ADCY1: variants seen among roughly 807,000 people sequenced by gnomAD.
ADCY1 encodes the protein adenylate cyclase type 1.
ADCY1 carries 28 observed loss-of-function variants against 105.4 expected under a neutral mutation model. The observed-to-expected ratio is 0.27, with a 90% CI of 0.20 to 0.36. The LOEUF (loss-of-function observed/expected upper bound fraction) is 0.36. Among genes scored for constraint, ADCY1 ranks in the 10% least tolerant of loss-of-function variants. ADCY1 has a pLI of 1.00. For missense variants in ADCY1, 977 were observed against 1,434.2 expected (o/e 0.68, Z 5.15); for synonymous variants, 655 against 623.8 (o/e 1.05, Z -0.75).
chr7:45,657,798 G>A lies in ADCY1; in HGVS notation c.1220G>A (p.Gly407Asp). ...VGLHTGRVLC[G>D]VLGLRKWQYD... The stretch of plus-strand genomic sequence containing the variant: ...CTGCACACGGGCAGGGTCCTCTGTG[G>A]TGTCCTGGGCTTGCGCAAGTGGCAG... The change falls in exon 6 of 20, where the codon GGT becomes GAT. Residue 407 changes from glycine (G) to aspartate (D), a missense_variant. Gly to Asp is a moderately conservative substitution (Grantham distance 94). Coordinates refer to ENST00000297323, the MANE Select transcript of ADCY1 (RefSeq NM_021116.4). The A allele has an allele frequency of 1.2e-6, 2 of 1,613,994 alleles. No homozygotes were observed. Among genetic ancestry groups the A allele is most frequent in the Non-Finnish European group, 1.7e-6 (2 of 1,180,002 alleles).
intron 1 of ADCY1, among the ~76,000 whole-genome samples, chr7:45,592,074 CACCTT>C (rs1164842490): frequency 6.7e-6 from 1 of 148,844 alleles, no homozygotes; most frequent in East Asian, 2.0e-4. Flanking sequence ...TTTGTGAACT[CACCTT>C]TCCTGAATCT....
intron 4 of ADCY1, among the ~76,000 whole-genome samples, chr7:45,630,607 G>A (rs1269740253): frequency 1.3e-5 from 2 of 152,108 alleles, no homozygotes; most frequent in African/African-American, 4.8e-5. Context: ...ATTGCTGTGT[G>A]TTCCTCTTCA....
chr7:45,575,647 C>T lies in ADCY1; in HGVS notation c.639+465C>T, dbSNP rs1270934770. Among the ~76,000 whole-genome samples, 2 of 152,272 alleles carry T rather than the reference C, an allele frequency of 1.3e-5. No homozygotes were observed. The highest frequency in any genetic ancestry group is 2.9e-5 in the Non-Finnish European group (2 of 68,054). ...TAGAGCGCGTGCTGGGCTCGCCTCC[C>T]AACCCTGCGGACCCGAGGGTGGTAT... On this transcript the variant is annotated intron_variant, in intron 1 of 19. Transcript: ENST00000297323. This position sits in a 1 kb window ranked among gnomAD's most constrained non-coding sequence, Gnocchi z 4.7.
In ADCY1 at chr7:45,704,604, C is replaced by T; in HGVS notation, c.2805C>T (p.Thr935=). ...TGGCCGCTGTGGGGCTAGCGCCCAC[C>T]TCGGGGACCAAGGTGAGTGCAGCCT... The part of the protein sequence containing the change: ...TYMAAVGLAP[T]SGTKAKKSIS... The change falls in exon 17 of 20, where the codon ACC becomes ACT. Residue 935 remains threonine, a synonymous_variant. Coordinates refer to ENST00000297323, the MANE Select transcript of ADCY1 (RefSeq NM_021116.4). 6.2e-7 allele frequency: 1 copy of T among 1,613,988 alleles called. No homozygotes were observed. Among genetic ancestry groups the T allele is most frequent in the African/African-American group, 1.3e-5 (1 of 75,054 alleles).
intron 4 of ADCY1, among the ~76,000 whole-genome samples, chr7:45,626,506 T>G (rs1489737874): frequency 6.6e-6 from 1 of 152,160 alleles, no homozygotes; most frequent in Non-Finnish European, 1.5e-5. Flanking sequence ...GGTTAGGATA[T>G]CATTACAGCT....
intron 14 of ADCY1, among the ~76,000 whole-genome samples, chr7:45,697,826 G>A (rs1253570400): frequency 6.6e-6 from 1 of 152,200 alleles, no homozygotes; most frequent in South Asian, 2.1e-4. Flanking sequence ...AAAACTTTCA[G>A]CTCAGAAGCT....
intron 5 of ADCY1, among the ~76,000 whole-genome samples, chr7:45,650,962 C>T (rs1158339067): frequency 6.6e-6 from 1 of 152,184 alleles, no homozygotes; most frequent in Non-Finnish European, 1.5e-5. Flanking sequence ...GCCAGCTCTC[C>T]TGGCATTCCA....
At chr7:45,595,843 T>C (rs913736592) in intron 2 of ADCY1, among the ~76,000 whole-genome samples, 28 of 152,374 alleles carry the variant, frequency 1.8e-4, no homozygotes, top group African/African-American at 6.5e-4. Context: ...ACTTTTGCTG[T>C]ATTTTTTCTG....
intron 4 of ADCY1, among the ~76,000 whole-genome samples, chr7:45,639,924 A>T (rs1005096149): frequency 6.6e-6 from 1 of 152,226 alleles, no homozygotes; most frequent in Non-Finnish European, 1.5e-5. Flanking sequence ...GACCCCAAAC[A>T]TGGACACATC....
At position 45,591,096 on chromosome 7, in the gene ADCY1, G is replaced by C. The variant is rs943845775; in HGVS notation, c.640-1663G>C. Among the ~76,000 whole-genome samples, 3 of 152,150 alleles carry C rather than the reference G, an allele frequency of 2.0e-5. No homozygotes were observed. Among genetic ancestry groups the C allele is most frequent in the Non-Finnish European group, 4.4e-5 (3 of 68,030 alleles). ...GTTTCCAGATTGCATGTGACCGTTG[G>C]TCCTAGGTTTGTTTTCCAGCCTCCT... is the stretch of plus-strand genomic sequence containing the variant. On this transcript the variant is annotated intron_variant, in intron 1 of 19. Transcript: ENST00000297323. The surrounding 1 kb of genome is among the most constrained non-coding windows in gnomAD (Gnocchi z 4.1).
intron 6 of ADCY1, among the ~76,000 whole-genome samples, chr7:45,659,397 G>A (rs1340023947): frequency 2.0e-5 from 3 of 152,204 alleles, no homozygotes; most frequent in East Asian, 1.9e-4. Context: ...TTTGCTTCTC[G>A]CCCCATAAAC....
chr7:45,585,305 A>G (rs1417609672), intron 1 of ADCY1, among the ~76,000 whole-genome samples: 1 of 152,186 alleles, frequency 6.6e-6, no homozygotes, highest in Non-Finnish European at 1.5e-5. Flanking sequence ...TAGCCTAAAG[A>G]TTTTGAAATA....
At chr7:45,609,757 A>G (rs1793479960) in intron 2 of ADCY1, among the ~76,000 whole-genome samples, 1 of 152,190 alleles carries the variant, frequency 6.6e-6, no homozygotes, top group Non-Finnish European at 1.5e-5. Flanking sequence ...TTACTCCCTC[A>G]GTCCAGACAA....
At chr7:45,689,188 C>G (rs1248846746) in intron 14 of ADCY1, among the ~76,000 whole-genome samples, 1 of 151,966 alleles carries the variant, frequency 6.6e-6, no homozygotes, top group East Asian at 1.9e-4. Context: ...GGAAGTGCTG[C>G]TGTGTGGTGC....
intron 6 of ADCY1, among the ~76,000 whole-genome samples, chr7:45,658,526 G>GGCT (rs772869920): frequency 1.3e-5 from 2 of 152,170 alleles, no homozygotes; most frequent in African/African-American, 2.4e-5. Context: ...CCAGAACACT[G>GGCT]GCTGCCCCTC....
chr7:45,585,828 C>T (rs1792706913), intron 1 of ADCY1, among the ~76,000 whole-genome samples: 1 of 152,088 alleles, frequency 6.6e-6, no homozygotes, highest in Admixed American at 6.5e-5. Context: ...GAGAGCTCAG[C>T]TGATGGTGTG....
At chr7:45,652,575 G>A (rs576625984) in intron 5 of ADCY1, among the ~76,000 whole-genome samples, 10 of 152,334 alleles carry the variant, frequency 6.6e-5, no homozygotes, top group African/African-American at 9.6e-5. Flanking sequence ...TGGGAAAAAC[G>A]GATAGACATA....
At chr7:45,625,729 G>A (rs1175453040) in intron 4 of ADCY1, among the ~76,000 whole-genome samples, 2 of 152,080 alleles carry the variant, frequency 1.3e-5, no homozygotes, top group African/African-American at 2.4e-5. Context: ...TGTGCCTTGT[G>A]TGTCCCCTGT....
chr7:45,642,324 G>C (rs1483461664), intron 4 of ADCY1, among the ~76,000 whole-genome samples: 1 of 152,200 alleles, frequency 6.6e-6, no homozygotes, highest in African/African-American at 2.4e-5. Context: ...GTTTGTACCT[G>C]GCCAGGGGGT....
Sources: allele counts gnomAD v4.1 joint callset (sites outside exome capture counted in the v4.1 genomes callset), GRCh38; gene constraint gnomAD v4.1.1; non-coding constraint Gnocchi (gnomAD v3.1); transcripts MANE v1.5; gene names NCBI Gene and HGNC (gene_info 2026-07-23, HGNC 2026-07-21).